TASP1: variants seen among roughly 807,000 people sequenced by gnomAD.
TASP1 encodes taspase 1.
TASP1 carries 16 observed loss-of-function variants against 56.6 expected under a neutral mutation model. The observed-to-expected ratio is 0.28, with a 90% CI of 0.19 to 0.43. The LOEUF (loss-of-function observed/expected upper bound fraction) is 0.43. Among genes scored for constraint, TASP1 ranks in the 20% least tolerant of loss-of-function variants. The probability of loss-of-function intolerance (pLI) is 1.00; values close to 1 mark genes in which losing one functional copy is unlikely to be tolerated. For synonymous variants in TASP1, 179 were observed against 184.2 expected, an observed-to-expected ratio of 0.97 and a Z score of 0.23; for missense variants, 393 against 511.6, an observed-to-expected ratio of 0.77 and a Z score of 2.24.
At chr20:13,161,499 C>T in the TASP1 span, among the ~76,000 whole-genome samples, 1 of 152,100 alleles carries the variant, frequency 6.6e-6, no homozygotes. Context: ...CTGGGGAGTG[C>T]CTACATTCCA....
the TASP1 span, among the ~76,000 whole-genome samples, chr20:13,171,187 A>G: frequency 6.6e-6 from 1 of 152,242 alleles, no homozygotes; most frequent in Non-Finnish European, 1.5e-5. Flanking sequence ...TGGTTGTCAT[A>G]CAACTATTTT....
intron 8 of TASP1, among the ~76,000 whole-genome samples, chr20:13,545,618 C>G (rs1017642805): frequency 2.6e-5 from 4 of 151,686 alleles, no homozygotes; most frequent in African/African-American, 4.8e-5. Flanking sequence ...TTTGGTTTGA[C>G]CAGCAAAGTG....
At chr20:13,550,056 A>G (rs1434755330) in intron 8 of TASP1, among the ~76,000 whole-genome samples, 3 of 151,828 alleles carry the variant, frequency 2.0e-5, no homozygotes, top group African/African-American at 7.3e-5. Flanking sequence ...GTGTGGATTT[A>G]AGGACGACCT....
chr20:13,543,997 G>A lies in TASP1; in HGVS notation c.676-9856C>T, dbSNP rs6105130. Among the ~76,000 whole-genome samples the A allele has an allele frequency of 8.4e-3, 1,280 of 152,194 alleles. 31 individuals are homozygous for A. The highest frequency in any genetic ancestry group is 8.6e-3 in the Non-Finnish European group (582 of 67,992). Reference sequence around the variant, plus strand: ...AAAAGCACATCCTTTAACAACTGCCGTGAAATATTTGGCTGGTCCCCATAA... The same window carrying A: ...AAAAGCACATCCTTTAACAACTGCCATGAAATATTTGGCTGGTCCCCATAA... On this transcript the variant is annotated intron_variant, in intron 8 of 13. Transcript: ENST00000337743.
the TASP1 span, among the ~76,000 whole-genome samples, chr20:13,349,455 A>G: frequency 6.6e-6 from 1 of 152,214 alleles, no homozygotes; most frequent in Non-Finnish European, 1.5e-5. Flanking sequence ...CTCTTCCCAT[A>G]AGTCCATTTC....
intron 6 of TASP1, among the ~76,000 whole-genome samples, chr20:13,578,027 G>A (rs2147193177): frequency 6.6e-6 from 1 of 152,284 alleles, no homozygotes; most frequent in Non-Finnish European, 1.5e-5. Flanking sequence ...GGATAGAAAT[G>A]CTGGAGCATA....
chr20:13,350,720 ACT>A, the TASP1 span, among the ~76,000 whole-genome samples: 1 of 151,956 alleles, frequency 6.6e-6, no homozygotes, highest in African/African-American at 2.4e-5. Context: ...ACAGAGTCTC[ACT>A]CTGTTTGTTA....
intron 1 of TASP1, among the ~76,000 whole-genome samples, chr20:13,633,919 C>T (rs1247471968): frequency 2.0e-5 from 3 of 151,954 alleles, no homozygotes; most frequent in Non-Finnish European, 2.9e-5. Context: ...CAATTTCCTC[C>T]TAGTAATGAT....
intron 10 of TASP1, among the ~76,000 whole-genome samples, chr20:13,522,694 G>A: frequency 6.6e-6 from 1 of 152,140 alleles, no homozygotes; most frequent in Admixed American, 6.6e-5. Context: ...CCAGGTTGGA[G>A]ATAAAATTGT....
intron 7 of TASP1, among the ~76,000 whole-genome samples, chr20:13,559,980 C>T (rs552436282): frequency 1.3e-5 from 2 of 152,058 alleles, no homozygotes; most frequent in South Asian, 2.1e-4. Context: ...ATATAACACA[C>T]GTTTATGCTC....
At chr20:13,638,860 C>T in intron 1 of TASP1, 34 bp downstream of exon 1, 1 of 152,876 alleles carries the variant, frequency 6.5e-6, no homozygotes, top group Non-Finnish European at 1.5e-5. Context: ...GAGGCGGCAG[C>T]GGCGCGGACA....
intron 6 of TASP1, among the ~76,000 whole-genome samples, chr20:13,574,716 A>C (rs750647767): frequency 1.8e-4 from 28 of 152,230 alleles, no homozygotes; most frequent in Non-Finnish European, 3.8e-4. Flanking sequence ...TGGGATTAGC[A>C]GGTAATTAGA....
the TASP1 span, among the ~76,000 whole-genome samples, chr20:13,292,829 A>G: frequency 6.6e-6 from 1 of 152,148 alleles, no homozygotes; most frequent in South Asian, 2.1e-4. Context: ...TGGTGCCCTC[A>G]GTTCTCCAGC....
At chr20:13,163,195 C>A in the TASP1 span, among the ~76,000 whole-genome samples, 1 of 151,744 alleles carries the variant, frequency 6.6e-6, no homozygotes, top group African/African-American at 2.4e-5. Flanking sequence ...TGGTGAAACC[C>A]CATCTCTACT....
At chr20:13,343,316 G>A in the TASP1 span, among the ~76,000 whole-genome samples, 1 of 152,242 alleles carries the variant, frequency 6.6e-6, no homozygotes, top group African/African-American at 2.4e-5. Flanking sequence ...GCCCCTGAGG[G>A]AGGCACAGCT....
chr20:13,350,323 A>G, the TASP1 span, among the ~76,000 whole-genome samples: 1 of 152,240 alleles, frequency 6.6e-6, no homozygotes, highest in Non-Finnish European at 1.5e-5. Context: ...AAGATGATTT[A>G]AGGATTTAAC....
the TASP1 span, chr20:13,221,888 G>A: frequency 1.4e-6 from 2 of 1,400,018 alleles, no homozygotes; most frequent in South Asian, 1.6e-5. Context: ...CGCGGCCGCG[G>A]GCAACGCCAG....
the TASP1 span, among the ~76,000 whole-genome samples, chr20:13,285,326 C>T: frequency 6.6e-6 from 1 of 152,104 alleles, no homozygotes; most frequent in Non-Finnish European, 1.5e-5. Context: ...AAAAAAAAGC[C>T]AACCGCAAAA....
At chr20:13,392,842 C>T (rs912861864) in intron 13 of TASP1, 36 of 666,562 alleles carry the variant, frequency 5.4e-5, no homozygotes, top group Non-Finnish European at 8.8e-5. Context: ...TGGCAAATCC[C>T]ATGGCACCAT....
Sources: gnomAD v4.1 joint callset for allele counts (sites outside exome capture counted in the v4.1 genomes callset) on GRCh38, gnomAD v4.1.1 for gene constraint, MANE v1.5 for transcripts, NCBI Gene and HGNC (gene_info 2026-07-23, HGNC 2026-07-21) for gene names.